Variants in MAML2 observed in about 807,000 individuals in gnomAD.
The protein encoded by MAML2 is mastermind like transcriptional coactivator 2.
A neutral mutation model predicts 96.1 loss-of-function variants in MAML2; 22 were observed. That is an observed-to-expected ratio of 0.23 (90% CI 0.16 to 0.33). MAML2 has a LOEUF of 0.33. Ranked by LOEUF, MAML2 falls within the 10% of genes least tolerant of loss-of-function variation. The pLI is 1.00. For missense variants in MAML2, 1,367 were observed against 1,392.4 expected, an observed-to-expected ratio of 0.98 and a Z score of 0.29; for synonymous variants, 561 against 521.3, an observed-to-expected ratio of 1.08 and a Z score of -1.04.
chr11:96,243,911 G>A (rs941042598), intron 1 of MAML2, among the ~76,000 whole-genome samples: 3 of 152,128 alleles, frequency 2.0e-5, no homozygotes, highest in African/African-American at 7.2e-5. Flanking sequence ...AAAGTGCTGG[G>A]ATTACTGGCG....
chr11:96,243,311 A>C (rs976727010), intron 1 of MAML2, among the ~76,000 whole-genome samples: 2 of 152,220 alleles, frequency 1.3e-5, no homozygotes, highest in African/African-American at 4.8e-5. Flanking sequence ...AAGGAAGCAG[A>C]GCAAGGAGGC....
At chr11:96,088,892 G>A (rs1182324340) in intron 2 of MAML2, among the ~76,000 whole-genome samples, 1 of 152,122 alleles carries the variant, frequency 6.6e-6, no homozygotes, top group Admixed American at 6.5e-5. Context: ...CAGGTAAAGG[G>A]AAGGTCACCT....
chr11:96,156,281 C>T (rs1295803828), intron 1 of MAML2, among the ~76,000 whole-genome samples: 2 of 152,196 alleles, frequency 1.3e-5, no homozygotes, highest in African/African-American at 4.8e-5. Context: ...CAGCCTCCTC[C>T]TCCTCCTCCG....
chr11:96,184,734 C>A (rs535129709), intron 1 of MAML2, among the ~76,000 whole-genome samples: 1 of 151,488 alleles, frequency 6.6e-6, no homozygotes, highest in East Asian at 2.0e-4. Flanking sequence ...GGACTACAGG[C>A]GCCCACCGCC....
At chr11:96,038,561 T>C (rs1858755803) in intron 2 of MAML2, among the ~76,000 whole-genome samples, 1 of 152,248 alleles carries the variant, frequency 6.6e-6, no homozygotes, top group South Asian at 2.1e-4. Flanking sequence ...TCTGGAGGAA[T>C]TCACAGCAAG....
chr11:96,075,032 T>C (rs1414374105), intron 2 of MAML2, among the ~76,000 whole-genome samples: 1 of 152,270 alleles, frequency 6.6e-6, no homozygotes, highest in African/African-American at 2.4e-5. Context: ...AGCGTGACTC[T>C]TAATTTCACT....
Position 96,342,977 on chromosome 11 carries a change from G to T in MAML2, c.-1082C>A. 2.6e-6 allele frequency: 1 copy of T among 386,908 alleles called. No homozygotes were observed. Among genetic ancestry groups the T allele is most frequent in the Non-Finnish European group, 4.6e-6 (1 of 219,202 alleles). 24.0% of individuals were successfully genotyped at this position (386,908 alleles called of 1,614,324 possible). On this transcript the variant is annotated 5_prime_UTR_variant, in exon 1 of 5. Transcript: ENST00000524717. ...GTCCACTTTTGTACATTCCATCCCC[G>T]GCCAGTGGATCTGAGGGTCTGGACT... is the stretch of plus-strand genomic sequence containing the variant.
chr11:96,041,966 G>A lies in MAML2; in HGVS notation c.2139+49926C>T, dbSNP rs190160509. 4.9e-3 allele frequency among the ~76,000 whole-genome samples: 695 copies of A among 141,458 alleles called. 7 individuals carry two copies. The highest frequency in any genetic ancestry group is 0.017 in the African/African-American group (667 of 39,072). 92.8% of individuals were successfully genotyped at this position (141,458 alleles called of 152,430 possible). A position where few individuals can be genotyped will look rare whatever the true frequency, so the allele number is the denominator to read the frequency against. On this transcript the variant is annotated intron_variant, in intron 2 of 4. Transcript: ENST00000524717. The stretch of plus-strand genomic sequence containing the variant: ...TGGGATTACAGGCATATGCCACCAC[G>A]CCCGGCTAATTTTTTTTTTTTTTTT...
rs142755706 is a variant in MAML2, at chr11:96,026,606, C to G, written c.2140-34883G>C. Among the ~76,000 whole-genome samples the G allele has an allele frequency of 9.8e-3, 1,491 of 152,220 alleles. 18 individuals carry two copies. The highest frequency in any genetic ancestry group is 0.017 in the Non-Finnish European group (1,154 of 68,016). ...CCCCCTATTCTTTATGTAACCCTCT[C>G]TACAGGGTTTCCTTTTCAAGGTGAT... On this transcript the variant is annotated intron_variant, in intron 2 of 4. Coordinates refer to ENST00000524717, the MANE Select transcript of MAML2 (RefSeq NM_032427.4).
intron 2 of MAML2, among the ~76,000 whole-genome samples, chr11:96,014,259 T>A (rs189347575): frequency 6.6e-6 from 1 of 152,172 alleles, no homozygotes; most frequent in Admixed American, 6.5e-5. Flanking sequence ...CTGAGTATAT[T>A]CACTGAGGAA....
intron 3 of MAML2, among the ~76,000 whole-genome samples, chr11:95,990,933 A>G (rs1857899130): frequency 6.6e-6 from 1 of 152,092 alleles, no homozygotes; most frequent in Admixed American, 6.5e-5. Flanking sequence ...ACAGTCAAAT[A>G]TTAGGTTGGT....
intron 1 of MAML2, among the ~76,000 whole-genome samples, chr11:96,298,012 C>T (rs575757514): frequency 6.6e-6 from 1 of 152,254 alleles, no homozygotes; most frequent in South Asian, 2.1e-4. Context: ...GCACCTACCC[C>T]CCTTGCTAAC....
At chr11:96,291,869 G>A (rs1276522974) in intron 1 of MAML2, among the ~76,000 whole-genome samples, 1 of 152,128 alleles carries the variant, frequency 6.6e-6, no homozygotes, top group East Asian at 1.9e-4. Flanking sequence ...CTTTGCCCAG[G>A]AGCCCCTGCA....
rs772539443 is a variant in MAML2 at position 96,092,220 on chromosome 11, TGCTGCTG to T, written c.1804_1810del (p.Gln602SerfsTer77). On this transcript the variant is annotated frameshift_variant, in exon 2 of 5. Coordinates refer to ENST00000524717, the MANE Select transcript of MAML2 (RefSeq NM_032427.4). LOFTEE classifies it high-confidence loss of function. The surrounding 1 kb of genome is among the most constrained non-coding windows in gnomAD (Gnocchi z 4.1). ...CTGCTGCTGCTGCTGTTGCTGCTGCTGCTGCTGCTGCTGCTGCTGCTGCTGCTGCTGT... is the reference window on the plus strand; with the variant it reads ...CTGCTGCTGCTGCTGTTGCTGCTGCTCTGCTGCTGCTGCTGCTGCTGCTGT... 3 of 441,466 alleles carry T rather than the reference TGCTGCTG, an allele frequency of 6.8e-6. No individual in the cohort carries two copies. The East Asian group carries it at 9.7e-4, about 142-fold the overall frequency. 27.3% of individuals were successfully genotyped at this position (441,466 alleles called of 1,614,324 possible).
chr11:96,228,829 A>C (rs1862250282), intron 1 of MAML2, among the ~76,000 whole-genome samples: 1 of 152,174 alleles, frequency 6.6e-6, no homozygotes, highest in Non-Finnish European at 1.5e-5. Flanking sequence ...TTCATAAGCA[A>C]TTTTGAGGCC....
intron 1 of MAML2, among the ~76,000 whole-genome samples, chr11:96,208,715 C>CA (rs200350330): frequency 0.013 from 2,038 of 152,074 alleles, 53 homozygotes; most frequent in African/African-American, 0.047. Context: ...CAAACCAAGA[C>CA]AAAATCTCTG....
chr11:96,019,889 A>G lies in MAML2; in HGVS notation c.2140-28166T>C, dbSNP rs148118532. The stretch of plus-strand genomic sequence containing the variant: ...ACTTTTGTTCAAAAATCCAGTTGCT[A>G]GTTTATACGTTTTTCTCCATACTTA... On this transcript the variant is annotated intron_variant, in intron 2 of 4. Coordinates refer to ENST00000524717, the MANE Select transcript of MAML2 (RefSeq NM_032427.4). Among the ~76,000 whole-genome samples, 240 of 152,260 alleles carry G rather than the reference A, an allele frequency of 1.6e-3. 1 individual carries two copies. Among genetic ancestry groups the G allele is most frequent in the African/African-American group, 5.6e-3 (231 of 41,558 alleles).
chr11:96,301,817 A>C (rs1370956893), intron 1 of MAML2, among the ~76,000 whole-genome samples: 1 of 152,212 alleles, frequency 6.6e-6, no homozygotes, highest in Non-Finnish European at 1.5e-5. Context: ...TACTTATACA[A>C]ATTAATAGTA....
intron 4 of MAML2, among the ~76,000 whole-genome samples, chr11:95,984,191 C>G (rs745640443): frequency 6.6e-6 from 1 of 152,178 alleles, no homozygotes; most frequent in Admixed American, 6.5e-5. Context: ...AGGTTTGTAG[C>G]CTAGAAGCAA....
Sources: gnomAD v4.1 joint callset for allele counts (sites outside exome capture counted in the v4.1 genomes callset) on GRCh38, gnomAD v4.1.1 for gene constraint, Gnocchi (gnomAD v3.1) non-coding constraint, MANE v1.5 for transcripts, NCBI Gene and HGNC (gene_info 2026-07-23, HGNC 2026-07-21) for gene names.